SOX6: variants seen among roughly 807,000 people sequenced by gnomAD.
SOX6 encodes the protein transcription factor SOX-6.
Under a neutral mutation model 97.8 loss-of-function variants are expected in SOX6, and 11 were observed. The observed-to-expected ratio is 0.11, with a 90% CI of 0.07 to 0.19. The LOEUF is 0.19. Among genes scored for constraint, SOX6 ranks in the 10% least tolerant of loss-of-function variants. SOX6 has a pLI of 1.00. For missense variants in SOX6, 810 were observed against 1,039.5 expected (o/e 0.78, Z 3.04); for synonymous variants, 360 against 371.4 (o/e 0.97, Z 0.35).
intron 4 of SOX6, among the ~76,000 whole-genome samples, chr11:16,514,633 T>G (rs1860936064): frequency 6.6e-6 from 1 of 151,690 alleles, no homozygotes; most frequent in African/African-American, 2.4e-5. Flanking sequence ...GCCACACTGG[T>G]GCGCTGCACC....
intron 14 of SOX6, among the ~76,000 whole-genome samples, chr11:15,986,832 T>G (rs1405583594): frequency 6.6e-6 from 1 of 152,154 alleles, no homozygotes; most frequent in African/African-American, 2.4e-5. Flanking sequence ...TCTCCCAAAC[T>G]CCAAGTATCT....
At chr11:16,619,861 T>C (rs1447393158) in intron 3 of SOX6, among the ~76,000 whole-genome samples, 1 of 152,140 alleles carries the variant, frequency 6.6e-6, no homozygotes, top group Admixed American at 6.5e-5. Flanking sequence ...TTTATGTGGA[T>C]ATTATTATTG....
chr11:16,306,089 C>T (rs1855423921), intron 3 of SOX6, among the ~76,000 whole-genome samples: 4 of 151,990 alleles, frequency 2.6e-5, no homozygotes, highest in Admixed American at 2.6e-4. Context: ...AATACACACC[C>T]CCACACACAA....
intron 3 of SOX6, among the ~76,000 whole-genome samples, chr11:16,619,571 A>G (rs940433890): frequency 1.3e-5 from 2 of 152,040 alleles, no homozygotes; most frequent in Non-Finnish European, 2.9e-5. Context: ...TGCCTAGAAG[A>G]GTTATTTTCT....
At chr11:16,058,179 T>A (rs1185700859) in intron 9 of SOX6, among the ~76,000 whole-genome samples, 1 of 152,066 alleles carries the variant, frequency 6.6e-6, no homozygotes, top group Admixed American at 6.6e-5. Flanking sequence ...TATGACAGAG[T>A]TTTTGCAACT....
chr11:16,115,339 C>T (rs1015511507), intron 6 of SOX6, among the ~76,000 whole-genome samples: 1 of 152,192 alleles, frequency 6.6e-6, no homozygotes, highest in Non-Finnish European at 1.5e-5. Flanking sequence ...CTCTGGAATT[C>T]AGTCCAACTA....
intron 4 of SOX6, among the ~76,000 whole-genome samples, chr11:16,190,138 A>T (rs535139420): frequency 9.2e-5 from 14 of 152,364 alleles, no homozygotes; most frequent in Non-Finnish European, 1.5e-4. Context: ...AGTATAACTG[A>T]ATTTATGGAA....
chr11:16,672,342 G>A lies in SOX6; in HGVS notation n.429+42488C>T, dbSNP rs189272177. ...ATTGGCTAAACGCCCCATTTAAAAG[G>A]CCCAGAGTGGAAAGCTGGATAAAAA... On this transcript the variant is annotated intron_variant and non_coding_transcript_variant, in intron 3 of 5. Coordinates refer to the SOX6 transcript ENST00000524520. Among the ~76,000 whole-genome samples, 347 of 152,258 alleles carry A rather than the reference G, an allele frequency of 2.3e-3. 2 individuals are homozygous for A. The highest frequency in any genetic ancestry group is 8.2e-3 in the African/African-American group (342 of 41,552).
intron 4 of SOX6, among the ~76,000 whole-genome samples, chr11:16,591,765 A>G (rs1317611303): frequency 6.6e-6 from 1 of 152,176 alleles, no homozygotes; most frequent in African/African-American, 2.4e-5. Context: ...GACAGAGGCT[A>G]CAAGCCAAAT....
intron 4 of SOX6, among the ~76,000 whole-genome samples, chr11:16,222,765 C>A (rs1590041986): frequency 6.6e-6 from 1 of 151,970 alleles, no homozygotes; most frequent in African/African-American, 2.4e-5. Context: ...TTTATTGATT[C>A]CCTACTTCAT....
At chr11:16,438,734 G>A (rs1332109515) in intron 1 of SOX6, among the ~76,000 whole-genome samples, 6 of 151,588 alleles carry the variant, frequency 4.0e-5, no homozygotes, top group African/African-American at 1.5e-4. Flanking sequence ...ATAGGGGCCA[G>A]AGGGGCAGCA....
chr11:16,020,810 T>C (rs1590135334), intron 12 of SOX6, among the ~76,000 whole-genome samples: 1 of 152,108 alleles, frequency 6.6e-6, no homozygotes, highest in South Asian at 2.1e-4. Context: ...CTCGACAACA[T>C]CAAAAGATTT....
chr11:16,641,401 T>C (rs1180349845), intron 3 of SOX6, among the ~76,000 whole-genome samples: 3 of 152,026 alleles, frequency 2.0e-5, no homozygotes, highest in African/African-American at 4.8e-5. Context: ...GGGTGGAGAG[T>C]TCTGTAGATG....
rs192540930 is a variant in SOX6, at chr11:15,968,251, A to T, written c.*4558T>A. On this transcript the variant is annotated 3_prime_UTR_variant, in exon 16 of 16. Coordinates refer to ENST00000683767, the MANE Select transcript of SOX6 (RefSeq NM_001367873.1). ...GCTTAAGTGCCAACTCAATTCTTAG[A>T]CAAACGTGTACAAAATCAGGCAGGG... is the stretch of plus-strand genomic sequence containing the variant. 17 of 152,364 alleles carry T rather than the reference A, an allele frequency of 1.1e-4. No homozygotes were observed. Among genetic ancestry groups the T allele is most frequent in the Admixed American group, 9.1e-4 (14 of 15,314 alleles). The allele number at this position is 152,364 out of a possible 1,614,324, so 9.4% of individuals were successfully genotyped here. A position where few individuals can be genotyped will look rare whatever the true frequency, so the allele number is the denominator to read the frequency against.
chr11:16,180,371 T>G (rs1198690902), intron 6 of SOX6, among the ~76,000 whole-genome samples: 1 of 151,706 alleles, frequency 6.6e-6, no homozygotes, highest in Non-Finnish European at 1.5e-5. Context: ...ATCTTTCCTT[T>G]GAAATTACAG....
intron 1 of SOX6, among the ~76,000 whole-genome samples, chr11:16,388,573 A>C (rs2134421440): frequency 6.6e-6 from 1 of 152,182 alleles, no homozygotes; most frequent in South Asian, 2.1e-4. Flanking sequence ...GAACAAATTC[A>C]GTTTCTTATC....
intron 9 of SOX6, among the ~76,000 whole-genome samples, chr11:16,085,618 C>T (rs1025931536): frequency 6.6e-6 from 1 of 152,150 alleles, no homozygotes; most frequent in Non-Finnish European, 1.5e-5. Context: ...CAGCCTCTCA[C>T]CAGCGTTAAT....
chr11:16,350,818 T>C (rs1393210717), intron 1 of SOX6, among the ~76,000 whole-genome samples: 1 of 152,148 alleles, frequency 6.6e-6, no homozygotes, highest in Non-Finnish European at 1.5e-5. Context: ...ATCTGTCTTG[T>C]TCATTGCTGG....
At chr11:16,137,088 A>T (rs1005449449) in intron 6 of SOX6, among the ~76,000 whole-genome samples, 3 of 152,158 alleles carry the variant, frequency 2.0e-5, no homozygotes, top group African/African-American at 7.2e-5. Context: ...CATTAATCTA[A>T]TCTGAACTTT....
Sources: allele counts gnomAD v4.1 joint callset (sites outside exome capture counted in the v4.1 genomes callset), GRCh38; gene constraint gnomAD v4.1.1; transcripts MANE v1.5; gene names NCBI Gene and HGNC (gene_info 2026-07-23, HGNC 2026-07-21).